The following ERBB4 variants were observed in gnomAD, a reference collection of about 807,000 sequenced individuals.
ERBB4 encodes the protein erb-b2 receptor tyrosine kinase 4.
A neutral mutation model predicts 158.0 loss-of-function variants in ERBB4; 42 were observed. The ratio of observed to expected loss-of-function variants is 0.27; its 90% CI spans 0.21 to 0.34. The LOEUF (loss-of-function observed/expected upper bound fraction) is 0.34. Among genes scored for constraint, ERBB4 ranks in the 10% least tolerant of loss-of-function variants. The probability of loss-of-function intolerance (pLI) is 1.00; values close to 1 mark genes in which losing one functional copy is unlikely to be tolerated. For missense variants in ERBB4, 1,333 were observed against 1,624.1 expected (o/e 0.82, Z 3.08); for synonymous variants, 583 against 558.7 (o/e 1.04, Z -0.61).
rs187217217 is a variant in ERBB4, at chr2:212,215,470, T to C, written c.83-90567A>G. ...TGCAAATTTTAGAGAATGCATTGTA[T>C]AAAATGAGTTATGATTTCTTAATAT... On this transcript the variant is annotated intron_variant, in intron 1 of 27. Transcript: ENST00000342788. 7.8e-3 allele frequency among the ~76,000 whole-genome samples: 1,176 copies of C among 151,524 alleles called. 9 individuals carry two copies. The highest frequency in any genetic ancestry group is 0.026 in the African/African-American group (1,091 of 41,482).
intron 19 of ERBB4, among the ~76,000 whole-genome samples, chr2:211,590,809 G>C (rs867793624): frequency 6.6e-6 from 1 of 152,192 alleles, no homozygotes; most frequent in Non-Finnish European, 1.5e-5. Flanking sequence ...AACCCATTGG[G>C]TGCTTACAAA....
chr2:212,145,429 C>T (rs887044182), intron 1 of ERBB4, among the ~76,000 whole-genome samples: 1 of 151,986 alleles, frequency 6.6e-6, no homozygotes, highest in Non-Finnish European at 1.5e-5. Flanking sequence ...TAAAATTAGC[C>T]CTCTTCCAGT....
chr2:211,704,477 A>G (rs899785811), intron 10 of ERBB4, among the ~76,000 whole-genome samples: 1 of 152,214 alleles, frequency 6.6e-6, no homozygotes, highest in African/African-American at 2.4e-5. Context: ...TACAGTTTCA[A>G]TTTCTCTGAA....
intron 20 of ERBB4, among the ~76,000 whole-genome samples, chr2:211,496,097 C>T (rs1380617045): frequency 6.6e-6 from 1 of 152,054 alleles, no homozygotes; most frequent in Non-Finnish European, 1.5e-5. Context: ...TTCCTCCTAC[C>T]TTTCAGACAG....
At chr2:211,793,429 A>G (rs1194315587) in intron 3 of ERBB4, among the ~76,000 whole-genome samples, 1 of 151,948 alleles carries the variant, frequency 6.6e-6, no homozygotes, top group Non-Finnish European at 1.5e-5. Flanking sequence ...CACTTATCTA[A>G]TCACAATAGG....
At chr2:211,669,232 A>AAAAAAAG (rs1156533429) in intron 14 of ERBB4, among the ~76,000 whole-genome samples, 6 of 138,868 alleles carry the variant, frequency 4.3e-5, no homozygotes, top group Non-Finnish European at 3.3e-5. Context: ...AAAAAAAAAA[A>AAAAAAAG]AAAAAAGAAA....
chr2:212,198,221 CAT>C (rs1477206822), intron 1 of ERBB4, among the ~76,000 whole-genome samples: 2 of 152,106 alleles, frequency 1.3e-5, no homozygotes, highest in East Asian at 3.8e-4. Flanking sequence ...GATATATAAA[CAT>C]ATTTACCATT....
In ERBB4 at chr2:212,006,913, G is replaced by T. The variant is rs183463426; in HGVS notation, c.235-59297C>A. Among the ~76,000 whole-genome samples, 591 of 152,056 alleles carry T rather than the reference G, an allele frequency of 3.9e-3. 4 individuals carry two copies. Among genetic ancestry groups the T allele is most frequent in the Non-Finnish European group, 5.1e-3 (343 of 67,912 alleles). On this transcript the variant is annotated intron_variant, in intron 2 of 27. Transcript: ENST00000342788. Reference sequence around the variant, plus strand: ...CTTCACTGAGATTGGGATGCATAATGAAATTAATGATAGGAAAACATTTTG... The same window carrying T: ...CTTCACTGAGATTGGGATGCATAATTAAATTAATGATAGGAAAACATTTTG...
intron 25 of ERBB4, among the ~76,000 whole-genome samples, chr2:211,413,451 C>T (rs1170311375): frequency 6.6e-6 from 1 of 150,814 alleles, no homozygotes; most frequent in African/African-American, 2.4e-5. Flanking sequence ...TAAAAACAAA[C>T]AAATAAACAA....
At chr2:211,913,615 A>G (rs1279685789) in intron 3 of ERBB4, among the ~76,000 whole-genome samples, 39 of 102,740 alleles carry the variant, frequency 3.8e-4, no homozygotes, top group Admixed American at 2.1e-3. Flanking sequence ...AAATATATAT[A>G]TATATGTGTG....
chr2:211,757,516 T>C (rs1006403288), intron 4 of ERBB4, among the ~76,000 whole-genome samples: 1 of 152,188 alleles, frequency 6.6e-6, no homozygotes, highest in African/African-American at 2.4e-5. Flanking sequence ...ATTCAAGCAA[T>C]TTATAGTCAA....
intron 2 of ERBB4, among the ~76,000 whole-genome samples, chr2:212,081,892 C>T (rs1176876835): frequency 6.6e-6 from 1 of 152,104 alleles, no homozygotes. Flanking sequence ...TTATAAAGCA[C>T]TTCACCTAGC....
intron 4 of ERBB4, among the ~76,000 whole-genome samples, chr2:211,782,042 G>A (rs1273065636): frequency 6.6e-6 from 1 of 152,124 alleles, no homozygotes; most frequent in African/African-American, 2.4e-5. Flanking sequence ...TCTTTTGACA[G>A]CGGTTTTCCT....
chr2:211,570,488 C>T (rs12622730), intron 19 of ERBB4, among the ~76,000 whole-genome samples: 110,561 of 151,216 alleles, frequency 0.73, 41,915 homozygotes, highest in East Asian at 0.89. Flanking sequence ...TAATTTCTTA[C>T]TGATGCTTTA....
intron 1 of ERBB4, among the ~76,000 whole-genome samples, chr2:212,152,570 T>C (rs2080905653): frequency 6.6e-6 from 1 of 152,150 alleles, no homozygotes; most frequent in South Asian, 2.1e-4. Flanking sequence ...AATCTAAATT[T>C]TCTCCCTGGA....
Position 211,382,577 on chromosome 2 carries a change from A to G in ERBB4, c.*1038T>C. 1 of 233,128 alleles carries G rather than the reference A, an allele frequency of 4.3e-6. No homozygotes were observed. 14.4% of individuals were successfully genotyped at this position (233,128 alleles called of 1,614,324 possible). On this transcript the variant is annotated 3_prime_UTR_variant, in exon 28 of 28. Transcript: ENST00000342788. ...TCTGCCAGGTAGACATACCCAATCC[A>G]GTGTGTTTCTTCCAGTTCAATGGAT... is the stretch of plus-strand genomic sequence containing the variant.
rs191902598 is a variant in ERBB4 at position 211,679,289 on chromosome 2, T to C, written c.1490-105A>G. 355 of 1,328,686 alleles carry C rather than the reference T, an allele frequency of 2.7e-4. No homozygotes were observed. In the African/African-American group the frequency reaches 4.2e-3, roughly 16 times the overall value. 82.3% of individuals were successfully genotyped at this position (1,328,686 alleles called of 1,614,324 possible). On this transcript the variant is annotated intron_variant, in intron 12 of 27. Transcript: ENST00000342788. Reference sequence around the variant, plus strand: ...TAAAGGAGTTCACTTAAAAGAGATATATGGCAAATGACTTTGGTGGCCTAT... The same window carrying C: ...TAAAGGAGTTCACTTAAAAGAGATACATGGCAAATGACTTTGGTGGCCTAT...
chr2:211,963,721 T>C (rs961896340), intron 2 of ERBB4, among the ~76,000 whole-genome samples: 2 of 152,146 alleles, frequency 1.3e-5, no homozygotes, highest in African/African-American at 4.8e-5. Context: ...CATTCACTGT[T>C]TAAAAGCTTG....
chr2:212,420,720 C>T (rs77266091), intron 1 of ERBB4, among the ~76,000 whole-genome samples: 3,027 of 152,162 alleles, frequency 0.02, 83 homozygotes, highest in African/African-American at 0.069. Flanking sequence ...CATCCTCAGG[C>T]GTTATAAAGA....
Sources: allele counts gnomAD v4.1 joint callset (sites outside exome capture counted in the v4.1 genomes callset), GRCh38; gene constraint gnomAD v4.1.1; transcripts MANE v1.5; gene names NCBI Gene and HGNC (gene_info 2026-07-23, HGNC 2026-07-21).